KLRC1: variants seen among roughly 807,000 people sequenced by gnomAD.
KLRC1 encodes the protein killer cell lectin like receptor C1.
KLRC1 carries 22 observed loss-of-function variants against 25.9 expected under a neutral mutation model. The ratio of observed to expected loss-of-function variants is 0.85; its 90% CI spans 0.61 to 1.21. The LOEUF is 1.21. KLRC1 is among the 50% of genes most tolerant of loss of function. The pLI, the probability that KLRC1 is intolerant of heterozygous loss-of-function variation, is 0.00. For synonymous variants in KLRC1, 77 were observed against 93.1 expected (o/e 0.83, Z 0.99); for missense variants, 240 against 272.2 (o/e 0.88, Z 0.83).
At chr12:10,454,505 C>G (rs1272228579), upstream of KLRC1, 2 of 509,810 alleles carry the variant, frequency 3.9e-6, no homozygotes, top group African/African-American at 2.1e-5. Flanking sequence ...AATGTAGACC[C>G]TGAAACAGCC....
At chr12:10,443,186 T>C (rs1219323823), downstream of KLRC1, among the ~76,000 whole-genome samples, 2 of 141,840 alleles carry the variant, frequency 1.4e-5, 1 homozygote, top group Non-Finnish European at 3.1e-5. Context: ...AATAAATCCT[T>C]AGGGAGATGG....
intron 4 of KLRC1, among the ~76,000 whole-genome samples, chr12:10,449,636 T>G (rs537678584): frequency 1.3e-5 from 2 of 152,140 alleles, no homozygotes; most frequent in Non-Finnish European, 2.9e-5. Context: ...ACTCTATACA[T>G]GTCTTGAAAA....
In KLRC1 at chr12:10,453,338, G is replaced by T. The variant is rs182631267; in HGVS notation, c.-172C>A. 2.0e-6 allele frequency: 2 copies of T among 985,330 alleles called. No individual in the cohort carries two copies. Among genetic ancestry groups the T allele is most frequent in the East Asian group, 2.3e-4 (2 of 8,820 alleles). 61.0% of individuals were successfully genotyped at this position (985,330 alleles called of 1,614,324 possible). The stretch of plus-strand genomic sequence containing the variant: ...AGAACAAACAATGCCTGCAATCTTC[G>T]CAGACTGCCCTGTGAAGGCTCAGAG... On this transcript the variant is annotated 5_prime_UTR_variant, in exon 1 of 7. Transcript: ENST00000359151.
chr12:10,448,040 A>T (rs1336940562), intron 5 of KLRC1, among the ~76,000 whole-genome samples: 1 of 152,172 alleles, frequency 6.6e-6, no homozygotes, highest in Non-Finnish European at 1.5e-5. Context: ...TCTGGGTACC[A>T]CACCATTCTT....
chr12:10,449,078 A>G (rs1339636019), intron 5 of KLRC1, among the ~76,000 whole-genome samples, 159 bp downstream of exon 5: 1 of 152,250 alleles, frequency 6.6e-6, no homozygotes, highest in Non-Finnish European at 1.5e-5. Flanking sequence ...TTAGCAGTAT[A>G]TGAATTTTAA....
Position 10,449,936 on chromosome 12 carries a change from G to C in KLRC1, c.315C>G (p.Ser105=), listed in dbSNP as rs991340440. Residue 105 remains serine, a synonymous_variant, in exon 4 of 7, where the codon TCC becomes TCG. Coordinates refer to ENST00000359151, the MANE Select transcript of KLRC1 (RefSeq NM_002259.5). ...STLIQRHNNS[S]LNTRTQKARH... ...TACCTTTCTGAGTTCTTGTATTCAG[G>C]GAAGAATTGTTGTGCCTCTGTATTA... is the stretch of plus-strand genomic sequence containing the variant. 3.4e-6 allele frequency: 5 copies of C among 1,485,308 alleles called. No homozygotes were observed. Among genetic ancestry groups the C allele is most frequent in the Non-Finnish European group, 4.5e-6 (5 of 1,114,314 alleles). The allele number at this position is 1,485,308 out of a possible 1,614,324, so 92.0% of individuals were successfully genotyped here.
chr12:10,454,004 C>T (rs371578729), upstream of KLRC1, among the ~76,000 whole-genome samples: 59 of 152,258 alleles, frequency 3.9e-4, no homozygotes, highest in South Asian at 8.9e-3. Flanking sequence ...CTATTCATTA[C>T]ATTCTTCATT....
chr12:10,452,298 G>A (rs1271909016), intron 1 of KLRC1, among the ~76,000 whole-genome samples: 1 of 152,112 alleles, frequency 6.6e-6, no homozygotes, highest in African/African-American at 2.4e-5. Flanking sequence ...TTGTCAAAGT[G>A]AGTAAAGGCC....
downstream of KLRC1, among the ~76,000 whole-genome samples, chr12:10,445,776 A>C (rs1280980139): frequency 6.6e-6 from 1 of 152,134 alleles, no homozygotes; most frequent in East Asian, 1.9e-4. Flanking sequence ...ATTTCTATTT[A>C]TAACAACAAA....
chr12:10,452,662 G>A (rs1045180240), intron 1 of KLRC1, among the ~76,000 whole-genome samples: 6 of 151,934 alleles, frequency 3.9e-5, no homozygotes, highest in African/African-American at 1.5e-4. Context: ...ATGTCCATGC[G>A]CTACATCTTT....
At chr12:10,452,731 G>T (rs1453003755) in intron 1 of KLRC1, among the ~76,000 whole-genome samples, 2 of 151,738 alleles carry the variant, frequency 1.3e-5, no homozygotes, top group Non-Finnish European at 2.9e-5. Context: ...AATACCTTTA[G>T]CATTTTATGT....
chr12:10,453,094 T>C (rs1216962515), intron 1 of KLRC1, 104 bp downstream of exon 1: 7 of 375,194 alleles, frequency 1.9e-5, no homozygotes, highest in Non-Finnish European at 2.6e-5. Context: ...TCTACTTTGA[T>C]TTTATTGTAT....
intron 6 of KLRC1, chr12:10,447,298 GC>G (rs1670072546): frequency 2.8e-6 from 1 of 355,290 alleles, no homozygotes. Flanking sequence ...TTCCAATGTG[GC>G]CCACAGAAGC....
chr12:10,449,992 TA>T, intron 3 of KLRC1, 25 bp from the exon 4 acceptor site: 8 of 1,421,286 alleles, frequency 5.6e-6, no homozygotes, highest in African/African-American at 1.5e-5. Flanking sequence ...GTAATCTTTG[TA>T]AAAAAATTAG....
intron 6 of KLRC1, 127 bp downstream of exon 6, chr12:10,447,405 T>C (rs1357995408): frequency 4.8e-6 from 4 of 828,672 alleles, no homozygotes; most frequent in Middle Eastern, 3.4e-4. Context: ...AATATTTATG[T>C]CAGCATTTCA....
chr12:10,447,446 G>T, intron 6 of KLRC1, 86 bp downstream of exon 6: 1 of 1,158,134 alleles, frequency 8.6e-7, no homozygotes, highest in Non-Finnish European at 1.2e-6. Flanking sequence ...TCATCTCTAT[G>T]ATTCCACATA....
chr12:10,446,988 T>C (rs1311980344), intron 6 of KLRC1, among the ~76,000 whole-genome samples: 3 of 152,222 alleles, frequency 2.0e-5, no homozygotes, highest in Non-Finnish European at 4.4e-5. Flanking sequence ...CAATAACTAC[T>C]AATAACAAAA....
chr12:10,448,479 G>A (rs1490164085), intron 5 of KLRC1, among the ~76,000 whole-genome samples: 1 of 152,166 alleles, frequency 6.6e-6, no homozygotes, highest in Non-Finnish European at 1.5e-5. Context: ...GCCAGAGGAA[G>A]TACTTCCTTC....
chr12:10,449,152 T>C, intron 5 of KLRC1, 85 bp downstream of exon 5: 2 of 1,539,564 alleles, frequency 1.3e-6, no homozygotes, highest in South Asian at 1.2e-5. Flanking sequence ...TAAATGTATA[T>C]ACCCACACAT....
Sources: allele counts gnomAD v4.1 joint callset (sites outside exome capture counted in the v4.1 genomes callset), GRCh38; gene constraint gnomAD v4.1.1; transcripts MANE v1.5; gene names NCBI Gene and HGNC (gene_info 2026-07-23, HGNC 2026-07-21).